RALGPS2: variants seen among roughly 807,000 people sequenced by gnomAD.
RALGPS2 encodes the protein ras-specific guanine nucleotide-releasing factor RalGPS2.
A neutral mutation model predicts 86.8 loss-of-function variants in RALGPS2; 43 were observed. The observed-to-expected ratio is 0.50, with a 90% CI of 0.39 to 0.64. RALGPS2 has a LOEUF of 0.64. Ranked by LOEUF, RALGPS2 falls within the 30% of genes least tolerant of loss-of-function variation. The probability of loss-of-function intolerance (pLI) is 0.00; values close to 1 mark genes in which losing one functional copy is unlikely to be tolerated. For missense variants in RALGPS2, 536 were observed against 694.6 expected (o/e 0.77, Z 2.57); for synonymous variants, 243 against 231.3 (o/e 1.05, Z -0.46).
Position 178,775,116 on chromosome 1 carries a change from A to G in RALGPS2, c.-83-1566A>G, listed in dbSNP as rs542249179. 1.3e-3 allele frequency among the ~76,000 whole-genome samples: 194 copies of G among 152,318 alleles called. 2 individuals are homozygous for G. The highest frequency in any genetic ancestry group is 4.3e-3 in the African/African-American group (178 of 41,588). On this transcript the variant is annotated intron_variant, in intron 1 of 19. Transcript: ENST00000367635. ...TCTGCATCATCATTACATCATAGTAATAGCATATTTACCATGTGCCAACAC... is the reference window on the plus strand; with the variant it reads ...TCTGCATCATCATTACATCATAGTAGTAGCATATTTACCATGTGCCAACAC...
chr1:178,887,152 A>G (rs1004001979), intron 13 of RALGPS2, among the ~76,000 whole-genome samples: 12 of 152,180 alleles, frequency 7.9e-5, no homozygotes, highest in South Asian at 4.1e-4. Flanking sequence ...TCTTGTTACA[A>G]TTAGAAATTA....
chr1:178,849,615 A>C (rs1296222333), intron 8 of RALGPS2: 1 of 151,642 alleles, frequency 6.6e-6, no homozygotes, highest in African/African-American at 2.4e-5. Flanking sequence ...CAGGAATCTT[A>C]TAACAGATTC....
chr1:178,865,226 T>C (rs1202325869), intron 8 of RALGPS2: 2 of 1,613,986 alleles, frequency 1.2e-6, no homozygotes, highest in Non-Finnish European at 1.7e-6. Context: ...ATTGACAAGA[T>C]CAGTCAAGGA....
chr1:178,731,889 G>A (rs947612939), intron 1 of RALGPS2, among the ~76,000 whole-genome samples: 40 of 152,228 alleles, frequency 2.6e-4, no homozygotes, highest in African/African-American at 9.6e-4. Context: ...CTGCTACTCA[G>A]CTTTGCTGTT....
chr1:178,787,731 AT>A (rs1056980295), intron 4 of RALGPS2, among the ~76,000 whole-genome samples: 1 of 152,054 alleles, frequency 6.6e-6, no homozygotes, highest in Admixed American at 6.6e-5. Context: ...AATCCCTTTG[AT>A]TTTTTTAACC....
At chr1:178,815,161 C>T (rs1420523146) in intron 6 of RALGPS2, among the ~76,000 whole-genome samples, 1 of 152,042 alleles carries the variant, frequency 6.6e-6, no homozygotes, top group East Asian at 1.9e-4. Context: ...GTTCACTGCA[C>T]CCTCCACCTC....
intron 8 of RALGPS2, among the ~76,000 whole-genome samples, chr1:178,868,045 A>T (rs1464016759): frequency 6.6e-6 from 1 of 152,060 alleles, no homozygotes; most frequent in Non-Finnish European, 1.5e-5. Context: ...TAGGGAGGAC[A>T]TAACAATCTG....
intron 2 of RALGPS2, 121 bp downstream of exon 2, chr1:178,776,942 T>C: frequency 1.3e-6 from 1 of 747,048 alleles, no homozygotes; most frequent in East Asian, 2.9e-5. Flanking sequence ...CACATTTCCT[T>C]TTTTTTTAAA....
chr1:178,744,322 T>G (rs906364664), intron 1 of RALGPS2, among the ~76,000 whole-genome samples: 2 of 152,162 alleles, frequency 1.3e-5, no homozygotes, highest in African/African-American at 4.8e-5. Flanking sequence ...GTAGTCACTT[T>G]GAGAAAACTA....
chr1:178,902,162 T>C lies in RALGPS2; in HGVS notation c.1581T>C (p.Ala527=), dbSNP rs1660205649. The change falls in exon 18 of 20, where the codon GCT becomes GCC. Residue 527 remains alanine, a synonymous_variant. Coordinates refer to ENST00000367635, the MANE Select transcript of RALGPS2 (RefSeq NM_152663.5). ...VSVIGWMVMM[A]DDPEHPDLFL... is the part of the protein sequence containing the mutation. ...TGATAGGATGGATGGTGATGATGGC[T>C]GATGACCCTGAACATCCTGATCTCT... The C allele has an allele frequency of 6.2e-7, 1 of 1,613,092 alleles. No homozygotes were observed. Among genetic ancestry groups the C allele is most frequent in the Admixed American group, 1.7e-5 (1 of 59,926 alleles).
Position 178,879,055 on chromosome 1 carries a change from A to T in RALGPS2, c.836+63A>T, listed in dbSNP as rs151070990. The T allele has an allele frequency of 1.2e-3, 1,817 of 1,566,822 alleles. 11 individuals are homozygous for T. In the African/African-American group the frequency reaches 0.021, roughly 18 times the overall value. On this transcript the variant is annotated intron_variant, in intron 10 of 19. Coordinates refer to ENST00000367635, the MANE Select transcript of RALGPS2 (RefSeq NM_152663.5). ...TCCTGTCCTCCACCTTTCTATCCCT[A>T]TGTATTTAAACATCTAAATCCTACA...
chr1:178,824,010 TCAA>T (rs1282102542), intron 7 of RALGPS2, among the ~76,000 whole-genome samples: 1 of 151,620 alleles, frequency 6.6e-6, no homozygotes, highest in African/African-American at 2.4e-5. Context: ...TGAGGAGAAA[TCAA>T]CAAAGGAAAT....
intron 7 of RALGPS2, among the ~76,000 whole-genome samples, chr1:178,827,229 C>T (rs184413151): frequency 2.0e-5 from 3 of 152,208 alleles, no homozygotes; most frequent in Non-Finnish European, 4.4e-5. Flanking sequence ...ATCCATACAG[C>T]CCAAAGCAAT....
intron 1 of RALGPS2, among the ~76,000 whole-genome samples, chr1:178,765,871 C>T (rs945630444): frequency 6.6e-6 from 1 of 152,304 alleles, no homozygotes; most frequent in East Asian, 1.9e-4. Context: ...CTGCCCGGCC[C>T]ACAGGCAGCC....
At chr1:178,788,804 C>CTTTCT (rs368472993) in intron 4 of RALGPS2, among the ~76,000 whole-genome samples, 5,046 of 148,006 alleles carry the variant, frequency 0.034, 329 homozygotes, top group African/African-American at 0.12. Flanking sequence ...TCTTTTCTTT[C>CTTTCT]TTTCTTTTCT....
Position 178,917,812 on chromosome 1 carries a change from CAT to C in RALGPS2, c.*1455_*1456del, listed in dbSNP as rs558822253. 1.1e-3 allele frequency: 175 copies of C among 152,202 alleles called. 1 individual carries two copies. The highest frequency in any genetic ancestry group is 3.9e-3 in the African/African-American group (160 of 41,548). 9.4% of individuals were successfully genotyped at this position (152,202 alleles called of 1,614,324 possible). A position where few individuals can be genotyped will look rare whatever the true frequency, so the allele number is the denominator to read the frequency against. On this transcript the variant is annotated 3_prime_UTR_variant, in exon 20 of 20. Coordinates refer to ENST00000367635, the MANE Select transcript of RALGPS2 (RefSeq NM_152663.5). ...TGTCGAATGTTATAAACTCTTGAGA[CAT>C]AATGAATTTTAGCAGTGGCCTAGAG... is the stretch of plus-strand genomic sequence containing the variant.
At chr1:178,794,170 G>GCAGTGATGTGATCTCGGTT (rs1299539645) in intron 4 of RALGPS2, among the ~76,000 whole-genome samples, 2 of 152,226 alleles carry the variant, frequency 1.3e-5, no homozygotes, top group South Asian at 4.1e-4. Flanking sequence ...AGGCTGGGGA[G>GCAGTGATGTGATCTCGGTT]CAGTGATGTG....
intron 19 of RALGPS2, among the ~76,000 whole-genome samples, chr1:178,911,682 ATTC>A (rs1660632660): frequency 6.6e-6 from 1 of 152,194 alleles, no homozygotes; most frequent in Non-Finnish European, 1.5e-5. Context: ...AAGAATGTAT[ATTC>A]TTGTGTTGTT....
intron 8 of RALGPS2, among the ~76,000 whole-genome samples, chr1:178,869,686 A>G (rs6685848): frequency 0.11 from 16,531 of 152,154 alleles, 2,107 homozygotes; most frequent in African/African-American, 0.31. Flanking sequence ...GAAAGGACAC[A>G]AAAGCAAAGT....
Sources: allele counts gnomAD v4.1 joint callset (sites outside exome capture counted in the v4.1 genomes callset), GRCh38; gene constraint gnomAD v4.1.1; transcripts MANE v1.5; gene names NCBI Gene and HGNC (gene_info 2026-07-23, HGNC 2026-07-21).